Variants in MMP25 observed in about 807,000 individuals in gnomAD.
The protein encoded by MMP25 is matrix metallopeptidase 25, also known as matrix metalloproteinase-25.
MMP25 carries 68 observed loss-of-function variants against 62.1 expected under a neutral mutation model. The observed-to-expected ratio is 1.10, with a 90% CI of 0.90 to 1.34. The LOEUF (loss-of-function observed/expected upper bound fraction) is 1.34. MMP25 is among the 40% of genes most tolerant of loss of function. The pLI, the probability that MMP25 is intolerant of heterozygous loss-of-function variation, is 0.00. For synonymous variants in MMP25, 407 were observed against 345.6 expected (o/e 1.18, Z -1.97); for missense variants, 942 against 792.5 (o/e 1.19, Z -2.26).
rs961895808 is a variant in MMP25, at chr16:3,059,239, G to GA, written c.*142dup. ...GCTCGGGCGCGGACTAAGCAGGGGGGATCTCCCGCGCAGGGGCGGCGGCGG... is the reference window on the plus strand; with the variant it reads ...GCTCGGGCGCGGACTAAGCAGGGGGGAATCTCCCGCGCAGGGGCGGCGGCGG... On this transcript the variant is annotated 3_prime_UTR_variant, in exon 10 of 10. Coordinates refer to ENST00000336577, the MANE Select transcript of MMP25 (RefSeq NM_022468.5). 1.1e-5 allele frequency: 11 copies of GA among 1,014,596 alleles called. No individual in the cohort carries two copies. The Admixed American group carries it at 1.4e-4, about 13-fold the overall frequency. The allele number at this position is 1,014,596 out of a possible 1,614,324, so 62.8% of individuals were successfully genotyped here. A position where few individuals can be genotyped will look rare whatever the true frequency, so the allele number is the denominator to read the frequency against.
In MMP25 at chr16:3,058,309, G is replaced by A. The variant is rs1429051185; in HGVS notation, c.1135G>A (p.Asp379Asn). ...VVQAAYARHR[D>N]GRILLFSGPQ... is the part of the protein sequence containing the mutation. ...GCAGGCCGCCTATGCTCGGCACCGA[G>A]ACGGCCGAATCCTCCTCTTTAGCGG... is the stretch of plus-strand genomic sequence containing the variant. The change falls in exon 8 of 10, where the codon GAC (aspartate) becomes AAC (asparagine). Residue 379 changes from aspartate to asparagine, a missense_variant. Physicochemically the swap from Asp to Asn is conservative, Grantham distance 23. Coordinates refer to ENST00000336577, the MANE Select transcript of MMP25 (RefSeq NM_022468.5). 1.2e-6 allele frequency: 2 copies of A among 1,601,522 alleles called. No homozygotes were observed. The highest frequency in any genetic ancestry group is 2.7e-5 in the African/African-American group (2 of 73,910).
Position 3,058,928 on chromosome 16 carries a change from G to A in MMP25, c.1519G>A (p.Asp507Asn), listed in dbSNP as rs1956067399. Residue 507 changes from aspartate (D) to asparagine (N), a missense_variant, in exon 10 of 10, where the codon GAC becomes AAC. Coordinates refer to ENST00000336577, the MANE Select transcript of MMP25 (RefSeq NM_022468.5). ...APQPMGPNWLDCPAPSSGPRA... is the reference protein window; with the variant it reads ...APQPMGPNWLNCPAPSSGPRA... ...CCAGCCCATGGGGCCCAACTGGCTGGACTGCCCCGCCCCGAGCTCTGGTCC... is the reference window on the plus strand; with the variant it reads ...CCAGCCCATGGGGCCCAACTGGCTGAACTGCCCCGCCCCGAGCTCTGGTCC... 2 of 1,551,126 alleles carry A rather than the reference G, an allele frequency of 1.3e-6. No individual in the cohort carries two copies. Among genetic ancestry groups the A allele is most frequent in the South Asian group, 2.4e-5 (2 of 84,026 alleles).
At chr16:3,054,206 A>C (rs1196657628) in intron 4 of MMP25, 2 of 151,028 alleles carry the variant, frequency 1.3e-5, no homozygotes, top group East Asian at 4.0e-4. Context: ...GCACAGAGTC[A>C]GGGATGGATG....
Position 3,057,299 on chromosome 16 carries a change from T to G in MMP25, c.839-11T>G, listed in dbSNP as rs1433709041. ...CAGGGGACGCACACCTGCCTGACTCTTTCCTCACAGGGAAGGCGCCCCAAA... is the reference window on the plus strand; with the variant it reads ...CAGGGGACGCACACCTGCCTGACTCGTTCCTCACAGGGAAGGCGCCCCAAA... On this transcript the variant is annotated splice_polypyrimidine_tract_variant and intron_variant, in intron 5 of 9. Transcript: ENST00000336577. 1 of 1,614,032 alleles carries G rather than the reference T, an allele frequency of 6.2e-7. No individual in the cohort carries two copies. The highest frequency in any genetic ancestry group is 2.2e-5 in the East Asian group (1 of 44,868).
Position 3,049,915 on chromosome 16 carries a change from C to T in MMP25, c.233-94C>T, listed in dbSNP as rs1955873564. 20 of 1,567,492 alleles carry T rather than the reference C, an allele frequency of 1.3e-5. No homozygotes were observed. The South Asian group carries it at 2.0e-4, about 16-fold the overall frequency. ...GGCACATTTCTTGAGCCCTCTGAGC[C>T]TCAGTTTTCCCATGTAGAAAGTTGA... On this transcript the variant is annotated intron_variant, in intron 2 of 9. Coordinates refer to ENST00000336577, the MANE Select transcript of MMP25 (RefSeq NM_022468.5).
chr16:3,046,805 G>A lies in MMP25; in HGVS notation c.-113G>A, dbSNP rs936172029. ...CCCTCCGGCCGATCCCTCCCTACTC[G>A]GTGCCGGGTGCCCCCCGCCCTCTCC... On this transcript the variant is annotated 5_prime_UTR_variant, in exon 1 of 10. Coordinates refer to ENST00000336577, the MANE Select transcript of MMP25 (RefSeq NM_022468.5). 2.3e-5 allele frequency: 12 copies of A among 525,330 alleles called. No individual in the cohort carries two copies. In the African/African-American group the frequency reaches 2.4e-4, roughly 11 times the overall value. The allele number at this position is 525,330 out of a possible 1,614,324, so 32.5% of individuals were successfully genotyped here. A position where few individuals can be genotyped will look rare whatever the true frequency, so the allele number is the denominator to read the frequency against.
intron 4 of MMP25, chr16:3,051,953 C>T (rs533288973): frequency 1.3e-5 from 2 of 152,074 alleles, no homozygotes; most frequent in Admixed American, 6.6e-5. Flanking sequence ...GTTGAAACCC[C>T]GTCTCTACTA....
rs751258156 is a variant in MMP25 at position 3,050,351 on chromosome 16, A to C, written c.466A>C (p.Thr156Pro). Residue 156 changes from threonine to proline, a missense_variant, in exon 4 of 10, where the codon ACA (threonine) becomes CCA (proline). By Grantham distance (38) the Thr-to-Pro change is conservative. Transcript: ENST00000336577. ...LMAWGMESGL[T>P]FHEVDSPQGQ... is the part of the protein sequence containing the mutation. ...GGCCTGGGGCATGGAGTCAGGCCTC[A>C]CATTTCATGAGGTGGATTCCCCCCA... The C allele has an allele frequency of 6.2e-7, 1 of 1,613,980 alleles. No individual in the cohort carries two copies. The highest frequency in any genetic ancestry group is 1.7e-5 in the Admixed American group (1 of 60,014).
At position 3,057,540 on chromosome 16, in the gene MMP25, C is replaced by T. The variant is rs372114614; in HGVS notation, c.933C>T (p.Phe311=). 3.1e-6 allele frequency: 5 copies of T among 1,613,922 alleles called. No individual in the cohort carries two copies. The highest frequency in any genetic ancestry group is 1.1e-5 in the South Asian group (1 of 91,078). The stretch of plus-strand genomic sequence containing the variant: ...CTCCTTTCCTCCCCAGCCCATCCTT[C>T]CCCATCCCTGATCGATGTGAGGGCA... The part of the protein sequence containing the change: ...PPASPTHSPS[F]PIPDRCEGNF... The change falls in exon 7 of 10, where the codon TTC becomes TTT. Residue 311 remains phenylalanine (F), a synonymous_variant. Coordinates refer to ENST00000336577, the MANE Select transcript of MMP25 (RefSeq NM_022468.5).
intron 4 of MMP25, 78 bp from the exon 5 acceptor site, chr16:3,056,955 G>A: frequency 2.7e-6 from 4 of 1,470,976 alleles, no homozygotes; most frequent in Non-Finnish European, 3.6e-6. Context: ...GTTGGCCCCA[G>A]CTGCACTCGC....
intron 4 of MMP25, chr16:3,051,168 A>T (rs1955896425): frequency 6.6e-6 from 1 of 151,442 alleles, no homozygotes; most frequent in Admixed American, 6.6e-5. Context: ...AACCAACAGG[A>T]TGTGTGTGTG....
At position 3,050,110 on chromosome 16, in the gene MMP25, G is replaced by C. The variant is rs760821624; in HGVS notation, c.334G>C (p.Gly112Arg). 2 of 1,609,328 alleles carry C rather than the reference G, an allele frequency of 1.2e-6. No homozygotes were observed. The highest frequency in any genetic ancestry group is 1.3e-5 in the African/African-American group (1 of 74,986). Residue 112 changes from glycine to arginine, a missense_variant, in exon 3 of 10, where the codon GGC becomes CGC. Coordinates refer to ENST00000336577, the MANE Select transcript of MMP25 (RefSeq NM_022468.5). ...GCGGCGTCGCCGGTACGCTCTGAGC[G>C]GCAGCGTGTGGAAGAAGCGAACCCT... Reference protein sequence around the residue: ...VRRRRRYALSGSVWKKRTLTW... With the variant: ...VRRRRRYALSRSVWKKRTLTW...
intron 2 of MMP25, among the ~76,000 whole-genome samples, chr16:3,048,798 A>C (rs1047086942): frequency 2.7e-5 from 4 of 150,520 alleles, no homozygotes; most frequent in Non-Finnish European, 5.9e-5. Flanking sequence ...ACTTGGTATG[A>C]CTTGCAATTT....
chr16:3,047,327 G>T, intron 1 of MMP25, 88 bp from the exon 2 acceptor site: 1 of 1,516,144 alleles, frequency 6.6e-7, no homozygotes, highest in South Asian at 1.3e-5. Flanking sequence ...GGGTGCCTGG[G>T]AGGGGCAGGG....
intron 1 of MMP25, 68 bp from the exon 2 acceptor site, chr16:3,047,347 T>A (rs1390210235): frequency 6.5e-7 from 1 of 1,544,344 alleles, no homozygotes; most frequent in East Asian, 2.3e-5. Context: ...GCTGCCAGGA[T>A]GGTGGTGGGC....
chr16:3,049,953 T>C, intron 2 of MMP25, 56 bp from the exon 3 acceptor site: 1 of 1,600,038 alleles, frequency 6.2e-7, no homozygotes, highest in Non-Finnish European at 8.5e-7. Flanking sequence ...GGTGCTATGA[T>C]TAAGGCAGGC....
intron 1 of MMP25, 117 bp downstream of exon 1, chr16:3,047,133 C>A: frequency 5.0e-6 from 6 of 1,196,402 alleles, no homozygotes; most frequent in Non-Finnish European, 5.6e-6. Flanking sequence ...CAAAGAGTGA[C>A]TGAGGATGGG....
chr16:3,051,701 C>T (rs1242566341), intron 4 of MMP25: 1 of 152,128 alleles, frequency 6.6e-6, no homozygotes, highest in African/African-American at 2.4e-5. Flanking sequence ...TGACAACACC[C>T]ACGGTGACAC....
chr16:3,046,858 CG>C lies in MMP25; in HGVS notation c.-56del. On this transcript the variant is annotated 5_prime_UTR_variant, in exon 1 of 10. Coordinates refer to ENST00000336577, the MANE Select transcript of MMP25 (RefSeq NM_022468.5). Reference sequence around the variant, plus strand: ...GCCCGGATCTCCTCCCCCAGGTCCCCGGGGCGGCCCCAGCCAGGCCCCCTTC... The same window carrying C: ...GCCCGGATCTCCTCCCCCAGGTCCCCGGGCGGCCCCAGCCAGGCCCCCTTC... 1 of 1,003,582 alleles carries C rather than the reference CG, an allele frequency of 1.0e-6. No homozygotes were observed. The highest frequency in any genetic ancestry group is 1.3e-6 in the Non-Finnish European group (1 of 744,564). The allele number at this position is 1,003,582 out of a possible 1,614,324, so 62.2% of individuals were successfully genotyped here.
Sources: gnomAD v4.1 joint callset for allele counts (sites outside exome capture counted in the v4.1 genomes callset) on GRCh38, gnomAD v4.1.1 for gene constraint, MANE v1.5 for transcripts, NCBI Gene and HGNC (gene_info 2026-07-23, HGNC 2026-07-21) for gene names.